AHNAK2: variants seen among roughly 807,000 people sequenced by gnomAD.
AHNAK2 encodes the protein AHNAK nucleoprotein 2.
In AHNAK2, 18 loss-of-function variants were observed where a neutral mutation model predicts 30.7. The ratio of observed to expected loss-of-function variants is 0.59; its 90% CI spans 0.41 to 0.87. The LOEUF (loss-of-function observed/expected upper bound fraction) is 0.87, where lower values mean the gene tolerates loss of function less well. Ranked by LOEUF, AHNAK2 falls within the 40% of genes least tolerant of loss-of-function variation. AHNAK2 has a pLI of 0.00. For synonymous variants in AHNAK2, 3,590 were observed against 3,073.8 expected (o/e 1.17, Z -5.56); for missense variants, 8,604 against 7,373.0 (o/e 1.17, Z -6.11).
Position 104,942,394 on chromosome 14 carries a change from C to T in AHNAK2, c.13057G>A (p.Ala4353Thr), listed in dbSNP as rs375501382. 1.9e-5 allele frequency: 30 copies of T among 1,612,908 alleles called. No individual in the cohort carries two copies. Among genetic ancestry groups the T allele is most frequent in the Middle Eastern group, 1.6e-4 (1 of 6,076 alleles). ...TGGCCAGCCTGGACCTCCAGATCAG[C>T]GGAAGGGGGCTGAATGCTGAGGTGA... ...TTHLSIQPPS[A>T]DLEVQAGQED... Residue 4353 changes from alanine (A) to threonine (T), a missense_variant, in exon 7 of 7, where the codon GCT becomes ACT. Ala to Thr is a moderately conservative substitution (Grantham distance 58). Coordinates refer to ENST00000333244, the MANE Select transcript of AHNAK2 (RefSeq NM_138420.4).
Position 104,948,355 on chromosome 14 carries a change from G to A in AHNAK2, c.7096C>T (p.Leu2366Phe). ...TCAGCGGAAGGGGGCTGAACGCTGA[G>A]GTCAGTGGTCTTGAGGTCCCCCTGC... is the stretch of plus-strand genomic sequence containing the variant. ...SMQGDLKTTD[L>F]SVQPPSADLE... Residue 2366 changes from leucine (L) to phenylalanine (F), a missense_variant, in exon 7 of 7, where the codon CTC (leucine) becomes TTC (phenylalanine). Leu to Phe is a conservative substitution (Grantham distance 22). Coordinates refer to ENST00000333244, the MANE Select transcript of AHNAK2 (RefSeq NM_138420.4). 1.2e-6 allele frequency: 2 copies of A among 1,612,762 alleles called. No homozygotes were observed. Among genetic ancestry groups the A allele is most frequent in the African/African-American group, 1.3e-5 (1 of 74,552 alleles).
Position 104,949,899 on chromosome 14 carries a change from G to T in AHNAK2, c.5552C>A (p.Pro1851Gln). 2 of 1,588,202 alleles carry T rather than the reference G, an allele frequency of 1.3e-6. No homozygotes were observed. Among genetic ancestry groups the T allele is most frequent in the Non-Finnish European group, 1.7e-6 (2 of 1,163,312 alleles). ...SIEASVDVSA[P>Q]KVEAEVSLPS... ...GAGGCTCACTTCGGCCTCCACCTTC[G>T]GCGCAGACACATCCACCGAGGCCTC... Residue 1851 changes from proline to glutamine, a missense_variant, in exon 7 of 7, where the codon CCG (proline) becomes CAG (glutamine). Physicochemically the swap from Pro to Gln is moderately conservative, Grantham distance 76. Coordinates refer to ENST00000333244, the MANE Select transcript of AHNAK2 (RefSeq NM_138420.4).
At position 104,939,122 on chromosome 14, in the gene AHNAK2, G is replaced by A. The variant is rs1413679556; in HGVS notation, c.16329C>T (p.Val5443=). The A allele has an allele frequency of 6.2e-7, 1 of 1,608,344 alleles. No homozygotes were observed. Among genetic ancestry groups the A allele is most frequent in the Non-Finnish European group, 8.5e-7 (1 of 1,177,670 alleles). Residue 5443 remains valine, a synonymous_variant, in exon 7 of 7, where the codon GTC becomes GTT. Transcript: ENST00000333244. ...TAAGGTCCACAGGCTGCTCCCCAGG[G>A]ACCCCAGCACCTGCCTTCAGGATGC... is the stretch of plus-strand genomic sequence containing the variant. The part of the protein sequence containing the change: ...GASILKAGAG[V]PGEQPVDLNL...
rs1183507911 is a variant in AHNAK2 at position 104,948,171 on chromosome 14, T to G, written c.7280A>C (p.Lys2427Thr). 1 of 1,612,574 alleles carries G rather than the reference T, an allele frequency of 6.2e-7. No individual in the cohort carries two copies. Among genetic ancestry groups the G allele is most frequent in the African/African-American group, 1.3e-5 (1 of 74,426 alleles). Reference protein sequence around the residue: ...KGPQIDVKGPKLDLKGPKTDV... With the variant: ...KGPQIDVKGPTLDLKGPKTDV... Reference sequence around the variant, plus strand: ...CGTCTTGGGGCCTTTCAGGTCCAGCTTGGGGCCCTTGACATCTATCTGGGG... The same window carrying G: ...CGTCTTGGGGCCTTTCAGGTCCAGCGTGGGGCCCTTGACATCTATCTGGGG... The change falls in exon 7 of 7, where the codon AAG (lysine) becomes ACG (threonine). Residue 2427 changes from lysine to threonine, a missense_variant. Transcript: ENST00000333244.
At chr14:104,962,004 C>G (rs1899161762) in intron 1 of AHNAK2, among the ~76,000 whole-genome samples, 1 of 152,152 alleles carries the variant, frequency 6.6e-6, no homozygotes, top group Non-Finnish European at 1.5e-5. Context: ...ACACCTAGAT[C>G]TCCTTTTTGA....
At position 104,953,850 on chromosome 14, in the gene AHNAK2, C is replaced by T; in HGVS notation, c.1601G>A (p.Gly534Glu). Reference protein sequence around the residue: ...GTGLKGEEVEGAGWMPGREPT... With the variant: ...GTGLKGEEVEEAGWMPGREPT... ...TTCCCTGCCCGGCATCCACCCGGCT[C>T]CTTCCACCTCCTCACCCTTCAGGCC... The change falls in exon 7 of 7, where the codon GGA (glycine) becomes GAA (glutamate). Residue 534 changes from glycine (G) to glutamate (E), a missense_variant. Physicochemically the swap from Gly to Glu is moderately conservative, Grantham distance 98 (BLOSUM62 -2). Transcript: ENST00000333244. 4 of 1,613,912 alleles carry T rather than the reference C, an allele frequency of 2.5e-6. No homozygotes were observed. The highest frequency in any genetic ancestry group is 3.4e-6 in the Non-Finnish European group (4 of 1,179,824).
At position 104,954,713 on chromosome 14, in the gene AHNAK2, T is replaced by C. The variant is rs879209; in HGVS notation, c.738A>G (p.Pro246=). 6.2e-7 allele frequency: 1 copy of C among 1,611,610 alleles called. No individual in the cohort carries two copies. The highest frequency in any genetic ancestry group is 8.5e-7 in the Non-Finnish European group (1 of 1,178,970). The part of the protein sequence containing the change: ...DGDQERLISK[P]RVGRGRQSQR... ...GGCTCTGCCTGCCTCTCCCCACCCTTGGTTTGGAGATGAGTCTCTCTTGGT... is the reference window on the plus strand; with the variant it reads ...GGCTCTGCCTGCCTCTCCCCACCCTCGGTTTGGAGATGAGTCTCTCTTGGT... The change falls in exon 7 of 7, where the codon CCA becomes CCG. Residue 246 remains proline, a synonymous_variant. Transcript: ENST00000333244. The surrounding 1 kb of genome is among the most constrained non-coding windows in gnomAD (Gnocchi z 4.3).
chr14:104,949,760 G>C lies in AHNAK2; in HGVS notation c.5691C>G (p.Pro1897=), dbSNP rs751771400. 1.5e-5 allele frequency: 24 copies of C among 1,587,228 alleles called. 3 individuals are homozygous for C. In the South Asian group the frequency reaches 1.9e-4, roughly 12 times the overall value. Residue 1897 remains proline (P), a synonymous_variant, in exon 7 of 7, where the codon CCC becomes CCG. Transcript: ENST00000333244. ...AGTGCCCTTTGAGGCCGGCTCCCTCGGGCACCTGGCCCTCCGGGAGCTTCA... is the reference window on the plus strand; with the variant it reads ...AGTGCCCTTTGAGGCCGGCTCCCTCCGGCACCTGGCCCTCCGGGAGCTTCA... ...VDMKLPEGQV[P]EGAGLKGHLP...
intron 1 of AHNAK2, among the ~76,000 whole-genome samples, chr14:104,964,845 A>G (rs2140877944): frequency 6.6e-6 from 1 of 152,352 alleles, no homozygotes; most frequent in African/African-American, 2.4e-5. Context: ...CTTTCTCCAT[A>G]AAAAATTTTA....
Position 104,944,000 on chromosome 14 carries a change from G to T in AHNAK2, c.11451C>A (p.Ala3817=). The T allele has an allele frequency of 6.2e-7, 1 of 1,612,772 alleles. No homozygotes were observed. The highest frequency in any genetic ancestry group is 8.5e-7 in the Non-Finnish European group (1 of 1,179,474). The change falls in exon 7 of 7, where the codon GCC becomes GCA. Residue 3817 remains alanine (A), a synonymous_variant. Coordinates refer to ENST00000333244, the MANE Select transcript of AHNAK2 (RefSeq NM_138420.4). ...KFKMPSFGVS[A]PGKSIEASVH... ...CCGAGGCCTCAATGGACTTGCCTGGGGCAGACACCCCAAATGACGGCATCT... is the reference window on the plus strand; with the variant it reads ...CCGAGGCCTCAATGGACTTGCCTGGTGCAGACACCCCAAATGACGGCATCT...
Position 104,943,379 on chromosome 14 carries a change from G to A in AHNAK2, c.12072C>T (p.Asp4024=), listed in dbSNP as rs1271732329. 6.2e-7 allele frequency: 1 copy of A among 1,613,070 alleles called. No homozygotes were observed. Among genetic ancestry groups the A allele is most frequent in the Non-Finnish European group, 8.5e-7 (1 of 1,179,596 alleles). ...CCACTTGGCCAGCCTGGACCTCCAG[G>A]TCAGCGGAAGGGGGCTGAACGCTGA... ...TDLSVQPPSA[D]LEVQAGQVDV... is the part of the protein sequence containing the mutation. The change falls in exon 7 of 7, where the codon GAC becomes GAT. Residue 4024 remains aspartate (D), a synonymous_variant. Transcript: ENST00000333244.
chr14:104,961,074 T>C (rs1021909201), intron 1 of AHNAK2, among the ~76,000 whole-genome samples: 2 of 151,526 alleles, frequency 1.3e-5, no homozygotes, highest in Non-Finnish European at 2.9e-5. Flanking sequence ...GAGGTTGCAG[T>C]GAGCTGAGAT....
chr14:104,953,852 T>C lies in AHNAK2; in HGVS notation c.1599A>G (p.Glu533=), dbSNP rs754855440. The C allele has an allele frequency of 6.2e-6, 10 of 1,613,998 alleles. No homozygotes were observed. The highest frequency in any genetic ancestry group is 3.3e-5 in the South Asian group (3 of 91,080). Residue 533 remains glutamate, a synonymous_variant, in exon 7 of 7, where the codon GAA becomes GAG. Coordinates refer to ENST00000333244, the MANE Select transcript of AHNAK2 (RefSeq NM_138420.4). ...AGTGLKGEEV[E]GAGWMPGREP... is the part of the protein sequence containing the mutation. ...CCCTGCCCGGCATCCACCCGGCTCC[T>C]TCCACCTCCTCACCCTTCAGGCCAG...
Position 104,941,673 on chromosome 14 carries a change from C to A in AHNAK2, c.13778G>T (p.Ser4593Ile), listed in dbSNP as rs752146995. The change falls in exon 7 of 7, where the codon AGC (serine) becomes ATC (isoleucine). Residue 4593 changes from serine to isoleucine, a missense_variant. Coordinates refer to ENST00000333244, the MANE Select transcript of AHNAK2 (RefSeq NM_138420.4). The part of the protein sequence containing the change: ...MAPDVEVSLP[S>I]VETDVQAPGS... The stretch of plus-strand genomic sequence containing the variant: ...TGGGGCCTGGACATCCGTCTCCACG[C>A]TGGGCAGAGACACCTCCACATCGGG... 30 of 1,613,584 alleles carry A rather than the reference C, an allele frequency of 1.9e-5. No homozygotes were observed.
rs749328789 is a variant in AHNAK2 at position 104,942,156 on chromosome 14, T to C, written c.13295A>G (p.Asp4432Gly). 2.5e-6 allele frequency: 4 copies of C among 1,612,722 alleles called. No homozygotes were observed. Among genetic ancestry groups the C allele is most frequent in the African/African-American group, 2.7e-5 (2 of 74,580 alleles). The change falls in exon 7 of 7, where the codon GAC becomes GGC. Residue 4432 changes from aspartate (D) to glycine (G), a missense_variant. Coordinates refer to ENST00000333244, the MANE Select transcript of AHNAK2 (RefSeq NM_138420.4). The part of the protein sequence containing the change: ...LDVSLPSMEV[D>G]IQAPGAKLDS... ...CAGCTTGGCTCCTGGGGCTTGGATG[T>C]CCACCTCCATGCTGGGCAGAGACAC...
Position 104,949,526 on chromosome 14 carries a change from G to A in AHNAK2, c.5925C>T (p.Ser1975=), listed in dbSNP as rs1443580091. 1 of 1,588,118 alleles carries A rather than the reference G, an allele frequency of 6.3e-7. No individual in the cohort carries two copies. Among genetic ancestry groups the A allele is most frequent in the Non-Finnish European group, 8.6e-7 (1 of 1,162,998 alleles). The change falls in exon 7 of 7, where the codon TCC becomes TCT. Residue 1975 remains serine, a synonymous_variant. Coordinates refer to ENST00000333244, the MANE Select transcript of AHNAK2 (RefSeq NM_138420.4). ...LDGARLEGDL[S]LADKDMTAKD... The stretch of plus-strand genomic sequence containing the variant: ...TGGCAGTCATGTCCTTGTCGGCCAG[G>A]GACAGGTCTCCCTCCAGCCGCGCAC...
intron 1 of AHNAK2, chr14:104,970,513 C>T: frequency 2.0e-6 from 2 of 985,726 alleles, no homozygotes; most frequent in Non-Finnish European, 2.4e-6. Flanking sequence ...CAACTGGCCA[C>T]CTCCCCCTGC....
At chr14:104,957,542 C>T (rs368585461) in intron 2 of AHNAK2, 34 bp from the exon 3 acceptor site, 144 of 1,591,516 alleles carry the variant, frequency 9.0e-5, no homozygotes, top group Non-Finnish European at 1.2e-4. Context: ...TTTTGCCACT[C>T]GGTTCTCCCA....
chr14:104,945,204 G>C lies in AHNAK2; in HGVS notation c.10247C>G (p.Pro3416Arg). 1 of 1,613,132 alleles carries C rather than the reference G, an allele frequency of 6.2e-7. No homozygotes were observed. The change falls in exon 7 of 7, where the codon CCC becomes CGC. Residue 3416 changes from proline to arginine, a missense_variant. Physicochemically the swap from Pro to Arg is moderately radical, Grantham distance 103. Coordinates refer to ENST00000333244, the MANE Select transcript of AHNAK2 (RefSeq NM_138420.4). ...LKSPQVDIKG[P>R]KLDLKVPKAE... is the part of the protein sequence containing the mutation. Reference sequence around the variant, plus strand: ...CTTGGGGACTTTTAGGTCCAGCTTGGGGCCCTTGATGTCCACCTGGGGGCT... The same window carrying C: ...CTTGGGGACTTTTAGGTCCAGCTTGCGGCCCTTGATGTCCACCTGGGGGCT...
Sources: allele counts gnomAD v4.1 joint callset (sites outside exome capture counted in the v4.1 genomes callset), GRCh38; gene constraint gnomAD v4.1.1; non-coding constraint Gnocchi (gnomAD v3.1); transcripts MANE v1.5; gene names NCBI Gene and HGNC (gene_info 2026-07-23, HGNC 2026-07-21).